The following MMRN2 variants were observed in gnomAD, a reference collection of about 807,000 sequenced individuals.
MMRN2 encodes the protein multimerin-2.
In MMRN2, 53 loss-of-function variants were observed where a neutral mutation model predicts 68.8. The ratio of observed to expected loss-of-function variants is 0.77; its 90% CI spans 0.62 to 0.97. The LOEUF (loss-of-function observed/expected upper bound fraction) is 0.97, where lower values mean the gene tolerates loss of function less well. MMRN2 is among the 50% of genes least tolerant of loss of function. The pLI is 0.00. For missense variants in MMRN2, 1,266 were observed against 1,259.5 expected, an observed-to-expected ratio of 1.01 and a Z score of -0.08; for synonymous variants, 564 against 551.6, an observed-to-expected ratio of 1.02 and a Z score of -0.32.
At chr10:86,952,212 G>A (rs889064536) in intron 1 of MMRN2, among the ~76,000 whole-genome samples, 1 of 152,160 alleles carries the variant, frequency 6.6e-6, no homozygotes, top group South Asian at 2.1e-4. Flanking sequence ...ATCTCCAAGG[G>A]ATCAGTCAAC....
intron 1 of MMRN2, among the ~76,000 whole-genome samples, chr10:86,951,735 A>T (rs1844147358): frequency 6.6e-6 from 1 of 152,148 alleles, no homozygotes; most frequent in African/African-American, 2.4e-5. Flanking sequence ...AGGAAGAGAA[A>T]ATGCAGATGA....
intron 1 of MMRN2, among the ~76,000 whole-genome samples, chr10:86,953,355 T>C (rs1844169334): frequency 1.3e-5 from 2 of 152,184 alleles, no homozygotes; most frequent in African/African-American, 2.4e-5. Flanking sequence ...TGTTCAGAGA[T>C]TGCAGTAAAG....
In MMRN2 at chr10:86,943,507, A is replaced by G. The variant is rs1307505629; in HGVS notation, c.1277T>C (p.Ile426Thr). The change falls in exon 6 of 7, where the codon ATT (isoleucine) becomes ACT (threonine). Residue 426 changes from isoleucine (I) to threonine (T), a missense_variant. Physicochemically the swap from Ile to Thr is moderately conservative, Grantham distance 89. Coordinates refer to ENST00000372027, the MANE Select transcript of MMRN2 (RefSeq NM_024756.3). This position sits in a 1 kb window ranked among gnomAD's most constrained non-coding sequence, Gnocchi z 4.2. ...YSESDETFDQISKVERQVEEL... is the reference protein window; with the variant it reads ...YSESDETFDQTSKVERQVEEL... ...CTCCACCTGCCGCTCCACCTTGCTAATCTGATCGAAAGTCTCGTCCGATTC... is the reference window on the plus strand; with the variant it reads ...CTCCACCTGCCGCTCCACCTTGCTAGTCTGATCGAAAGTCTCGTCCGATTC... 6.2e-7 allele frequency: 1 copy of G among 1,614,170 alleles called. No homozygotes were observed. The highest frequency in any genetic ancestry group is 1.7e-5 in the Admixed American group (1 of 60,020).
In MMRN2 at chr10:86,943,177, A is replaced by G; in HGVS notation, c.1607T>C (p.Leu536Pro). ...RQLDGSSLQA[L>P]QNAVDAVSLA... ...CGACACGGCGTCCACGGCGTTCTGC[A>G]GGGCCTGCAGGGAGGAGCCGTCCAG... Residue 536 changes from leucine (L) to proline (P), a missense_variant, in exon 6 of 7, where the codon CTG becomes CCG. Leu to Pro is a moderately conservative substitution (Grantham distance 98). Transcript: ENST00000372027. This position sits in a 1 kb window ranked among gnomAD's most constrained non-coding sequence, Gnocchi z 4.2. The G allele has an allele frequency of 6.2e-7, 1 of 1,607,038 alleles. No individual in the cohort carries two copies. The highest frequency in any genetic ancestry group is 2.2e-5 in the East Asian group (1 of 44,706).
intron 1 of MMRN2, 44 bp from the exon 2 acceptor site, chr10:86,945,733 G>T: frequency 6.2e-7 from 1 of 1,612,708 alleles, no homozygotes; most frequent in Non-Finnish European, 8.5e-7. Flanking sequence ...CCACACCCAG[G>T]TCAACAGGGG....
At chr10:86,956,437 C>A (rs866681405) in intron 1 of MMRN2, among the ~76,000 whole-genome samples, 1 of 152,198 alleles carries the variant, frequency 6.6e-6, no homozygotes, top group Non-Finnish European at 1.5e-5. Flanking sequence ...TAAGTTGGCC[C>A]CCCCCTCACT....
At chr10:86,955,394 C>T (rs543497865) in intron 1 of MMRN2, among the ~76,000 whole-genome samples, 10 of 152,320 alleles carry the variant, frequency 6.6e-5, no homozygotes, top group Admixed American at 3.9e-4. Context: ...GCAGTTAACC[C>T]CTTCGCTTCT....
rs763621325 is a variant in MMRN2, at chr10:86,942,897, C to G, written c.1887G>C (p.Pro629=). The G allele has an allele frequency of 6.9e-7, 1 of 1,452,694 alleles. No individual in the cohort carries two copies. Among genetic ancestry groups the G allele is most frequent in the South Asian group, 1.4e-5 (1 of 72,538 alleles). 90.0% of individuals were successfully genotyped at this position (1,452,694 alleles called of 1,614,324 possible). A position where few individuals can be genotyped will look rare whatever the true frequency, so the allele number is the denominator to read the frequency against. Residue 629 remains proline, a synonymous_variant, in exon 6 of 7, where the codon CCG becomes CCC. Transcript: ENST00000372027. ...GGATCTGCTCGTAGCTCAGGGGCAG[C>G]GGTCCCGGCGTCTGCTCAGACATCT... ...LEEMSEQTPG[P]LPLSYEQIRV... is the part of the protein sequence containing the mutation.
intron 1 of MMRN2, 80 bp downstream of exon 1, chr10:86,957,298 G>T: frequency 6.9e-7 from 1 of 1,446,924 alleles, no homozygotes; most frequent in Non-Finnish European, 9.7e-7. Flanking sequence ...ACCCCAGTGA[G>T]GTCTAGAGAG....
intron 1 of MMRN2, among the ~76,000 whole-genome samples, chr10:86,953,385 A>G (rs1844169726): frequency 1.3e-5 from 2 of 152,194 alleles, no homozygotes; most frequent in Admixed American, 6.5e-5. Context: ...AGAAATTATA[A>G]GAGTATTAAT....
chr10:86,943,296 C>T lies in MMRN2; in HGVS notation c.1488G>A (p.Lys496=), dbSNP rs780623538. The T allele has an allele frequency of 1.2e-6, 2 of 1,613,818 alleles. No homozygotes were observed. The highest frequency in any genetic ancestry group is 1.7e-5 in the Admixed American group (1 of 60,036). Residue 496 remains lysine (K), a synonymous_variant, in exon 6 of 7, where the codon AAG becomes AAA. Transcript: ENST00000372027. This position sits in a 1 kb window ranked among gnomAD's most constrained non-coding sequence, Gnocchi z 4.2. ...GGATGACGTCCAGGTCTAAATAGAG[C>T]TTCTGGCAATTGCAGTCCTTCACGT... ...IKYVKDCNCQ[K]LYLDLDVIRE...
At position 86,945,631 on chromosome 10, in the gene MMRN2, C is replaced by T. The variant is rs529216746; in HGVS notation, c.223G>A (p.Glu75Lys). 3.1e-6 allele frequency: 5 copies of T among 1,614,060 alleles called. No homozygotes were observed. In the African/African-American group the frequency reaches 6.7e-5, roughly 22 times the overall value. The change falls in exon 2 of 7, where the codon GAG becomes AAG. Residue 75 changes from glutamate to lysine, a missense_variant. Coordinates refer to ENST00000372027, the MANE Select transcript of MMRN2 (RefSeq NM_024756.3). Reference sequence around the variant, plus strand: ...TGCTGCGAGTGGATGAGGAATTTCTCTGTTTTGCAAAGAGCTAGTAAGGTG... The same window carrying T: ...TGCTGCGAGTGGATGAGGAATTTCTTTGTTTTGCAAAGAGCTAGTAAGGTG... ...LVTLLALCKTEKFLIHSQQPC... is the reference protein window; with the variant it reads ...LVTLLALCKTKKFLIHSQQPC...
intron 1 of MMRN2, among the ~76,000 whole-genome samples, chr10:86,953,043 A>C (rs1285586726): frequency 1.3e-5 from 2 of 152,222 alleles, no homozygotes; most frequent in Non-Finnish European, 2.9e-5. Context: ...TGCAAGAAGA[A>C]AAATATGGCT....
At chr10:86,950,443 T>C (rs576635504) in intron 1 of MMRN2, among the ~76,000 whole-genome samples, 2 of 152,260 alleles carry the variant, frequency 1.3e-5, no homozygotes, top group East Asian at 1.9e-4. Flanking sequence ...GGTAATTGCA[T>C]GGCACACCCA....
intron 1 of MMRN2, among the ~76,000 whole-genome samples, chr10:86,952,345 T>G (rs2133686192): frequency 6.6e-6 from 1 of 152,356 alleles, no homozygotes; most frequent in South Asian, 2.1e-4. Flanking sequence ...CATGCTTGCC[T>G]GCACAGACAT....
rs1843892588 is a variant in MMRN2, at chr10:86,937,140, G to A, written c.2468-15C>T. The A allele has an allele frequency of 1.2e-6, 2 of 1,612,102 alleles. No individual in the cohort carries two copies. The highest frequency in any genetic ancestry group is 1.7e-6 in the Non-Finnish European group (2 of 1,178,708). On this transcript the variant is annotated splice_polypyrimidine_tract_variant and intron_variant, in intron 6 of 6. Coordinates refer to ENST00000372027, the MANE Select transcript of MMRN2 (RefSeq NM_024756.3). ...CACAGGGGATCCTGAAACATAACAG[G>A]ACAGTGCTTAGTGATTCATCCCTTA...
At chr10:86,953,102 T>C (rs1232946872) in intron 1 of MMRN2, among the ~76,000 whole-genome samples, 2 of 152,206 alleles carry the variant, frequency 1.3e-5, no homozygotes, top group Non-Finnish European at 2.9e-5. Flanking sequence ...TGTCTTCCCT[T>C]GTTCCCTAAA....
chr10:86,941,838 C>CA (rs796814379), intron 6 of MMRN2, among the ~76,000 whole-genome samples: 2,405 of 29,314 alleles, frequency 0.082, 66 homozygotes, highest in African/African-American at 0.19. Context: ...AAAAAAAAAA[C>CA]AAAAAAAAAA....
intron 1 of MMRN2, among the ~76,000 whole-genome samples, chr10:86,956,561 C>T (rs916658199): frequency 1.3e-5 from 2 of 152,222 alleles, no homozygotes; most frequent in African/African-American, 4.8e-5. Flanking sequence ...AGAGAGTTCA[C>T]TATGAGCTCT....
Sources: allele counts gnomAD v4.1 joint callset (sites outside exome capture counted in the v4.1 genomes callset), GRCh38; gene constraint gnomAD v4.1.1; non-coding constraint Gnocchi (gnomAD v3.1); transcripts MANE v1.5; gene names NCBI Gene and HGNC (gene_info 2026-07-23, HGNC 2026-07-21).